Variants in ECM2 observed in about 807,000 individuals in gnomAD.
ECM2 encodes the protein extracellular matrix protein 2.
Under a neutral mutation model 67.5 loss-of-function variants are expected in ECM2, and 57 were observed. The observed-to-expected ratio is 0.84, with a 90% CI of 0.68 to 1.05. The LOEUF (loss-of-function observed/expected upper bound fraction) is 1.05, where lower values mean the gene tolerates loss of function less well. Among genes scored for constraint, ECM2 ranks in the 50% least tolerant of loss-of-function variants. ECM2 has a pLI of 0.00. For synonymous variants in ECM2, 258 were observed against 294.5 expected (o/e 0.88, Z 1.27); for missense variants, 741 against 822.8 (o/e 0.90, Z 1.22).
chr9:92,517,687 C>T lies in ECM2; in HGVS notation c.481G>A (p.Val161Ile). ...GECCPVCSAT[V>I]SYSLLSGIAL... ...ATTTTGCTTAGCTAAATCTCTGTACCAGTAGCGGAGCAGACCGGGCAGCAT... is the reference window on the plus strand; with the variant it reads ...ATTTTGCTTAGCTAAATCTCTGTACTAGTAGCGGAGCAGACCGGGCAGCAT... The change falls in exon 3 of 10, where the codon GTC (valine) becomes ATC (isoleucine). Residue 161 changes from valine to isoleucine, a missense_variant and splice_region_variant. By Grantham distance (29) the Val-to-Ile change is conservative (BLOSUM62 3). Transcript: ENST00000344604. 1 of 1,614,074 alleles carries T rather than the reference C, an allele frequency of 6.2e-7. No individual in the cohort carries two copies. Among genetic ancestry groups the T allele is most frequent in the Non-Finnish European group, 8.5e-7 (1 of 1,180,006 alleles).
At chr9:92,558,794 G>T in the ECM2 span, among the ~76,000 whole-genome samples, 5 of 152,128 alleles carry the variant, frequency 3.3e-5, no homozygotes, top group South Asian at 6.2e-4. Flanking sequence ...GCTCTCCTTG[G>T]GTGGGTCTTG....
chr9:92,494,160 T>G, downstream of ECM2: 1 of 1,596,852 alleles, frequency 6.3e-7, no homozygotes, highest in Non-Finnish European at 8.5e-7. Context: ...CTGAATAAAG[T>G]CAGAGTAAGA....
intron 1 of ECM2, among the ~76,000 whole-genome samples, chr9:92,533,086 C>G (rs1192575451): frequency 6.6e-6 from 1 of 151,312 alleles, no homozygotes; most frequent in Non-Finnish European, 1.5e-5. Flanking sequence ...ATCACAAGGT[C>G]AGGAGTTTGA....
At chr9:92,512,822 A>G (rs1401962025) in intron 4 of ECM2, among the ~76,000 whole-genome samples, 1 of 152,198 alleles carries the variant, frequency 6.6e-6, no homozygotes, top group Non-Finnish European at 1.5e-5. Context: ...GTAGCTCAGC[A>G]TGGGTCATTT....
At chr9:92,525,996 A>G (rs548291838) in intron 1 of ECM2, among the ~76,000 whole-genome samples, 11 of 152,036 alleles carry the variant, frequency 7.2e-5, no homozygotes, top group Admixed American at 2.6e-4. Flanking sequence ...ACTATACTAT[A>G]CTTTTTATCA....
the ECM2 span, among the ~76,000 whole-genome samples, chr9:92,551,213 T>C: frequency 6.6e-6 from 1 of 152,174 alleles, no homozygotes; most frequent in Non-Finnish European, 1.5e-5. Context: ...CCAGGAATTA[T>C]CATGAGTGGA....
chr9:92,549,781 AGT>A, the ECM2 span, among the ~76,000 whole-genome samples: 2 of 152,202 alleles, frequency 1.3e-5, no homozygotes, highest in Non-Finnish European at 2.9e-5. Context: ...TCCCTAAGAT[AGT>A]GCTGTTAGGC....
At chr9:92,506,535 G>A (rs895187243) in intron 6 of ECM2, among the ~76,000 whole-genome samples, 6 of 152,138 alleles carry the variant, frequency 3.9e-5, no homozygotes, top group African/African-American at 1.4e-4. Flanking sequence ...CCCAGATTAG[G>A]GGATGTTTTC....
intron 5 of ECM2, 44 bp from the exon 6 acceptor site, chr9:92,510,078 C>T: frequency 6.4e-7 from 1 of 1,561,830 alleles, no homozygotes; most frequent in Non-Finnish European, 8.6e-7. Context: ...CTAGTCACAG[C>T]TGTGCAGTCA....
intron 9 of ECM2, among the ~76,000 whole-genome samples, chr9:92,497,096 T>G (rs1020110749): frequency 6.6e-6 from 1 of 152,206 alleles, no homozygotes; most frequent in Non-Finnish European, 1.5e-5. Flanking sequence ...CCCTTTGCAC[T>G]CTGCATTCCC....
the ECM2 span, among the ~76,000 whole-genome samples, chr9:92,552,210 CACACA>C: frequency 6.6e-6 from 1 of 150,598 alleles, no homozygotes; most frequent in African/African-American, 2.5e-5. Flanking sequence ...CACACACACA[CACACA>C]CCCCACAGTT....
chr9:92,519,079 T>C (rs79865887), intron 2 of ECM2, among the ~76,000 whole-genome samples: 6,064 of 152,138 alleles, frequency 0.04, 185 homozygotes, highest in South Asian at 0.098. Flanking sequence ...TGAGCCACTG[T>C]CCCCAAGTTC....
At chr9:92,543,637 G>A in the ECM2 span, among the ~76,000 whole-genome samples, 1 of 151,950 alleles carries the variant, frequency 6.6e-6, no homozygotes, top group Non-Finnish European at 1.5e-5. Context: ...GAACACTTTG[G>A]GTAGTATAGT....
At chr9:92,552,164 ATATGTGATATGATAGAT>A in the ECM2 span, among the ~76,000 whole-genome samples, 71 of 132,830 alleles carry the variant, frequency 5.3e-4, no homozygotes, top group South Asian at 1.9e-3. Context: ...TCTATCATAT[ATATGTGATATGATAGAT>A]CTATCATATA....
chr9:92,518,431 G>C (rs896533833), intron 2 of ECM2, among the ~76,000 whole-genome samples: 2 of 152,198 alleles, frequency 1.3e-5, no homozygotes, highest in Admixed American at 6.5e-5. Context: ...CCAGAGAGCT[G>C]AGCTAGCACT....
At chr9:92,523,977 A>G (rs908585601) in intron 1 of ECM2, among the ~76,000 whole-genome samples, 1 of 152,232 alleles carries the variant, frequency 6.6e-6, no homozygotes, top group African/African-American at 2.4e-5. Flanking sequence ...TAAACAAATG[A>G]GCATGGATGT....
At chr9:92,504,850 T>G (rs1472288060) in intron 7 of ECM2, among the ~76,000 whole-genome samples, 1 of 152,196 alleles carries the variant, frequency 6.6e-6, no homozygotes, top group African/African-American at 2.4e-5. Context: ...CTCAGTGTTT[T>G]TAACGCAGGA....
At chr9:92,545,116 C>T in the ECM2 span, among the ~76,000 whole-genome samples, 25 of 152,352 alleles carry the variant, frequency 1.6e-4, no homozygotes, top group South Asian at 6.2e-4. Flanking sequence ...GCTCTTGGCA[C>T]CTCCTCAGCC....
At chr9:92,555,661 T>C in the ECM2 span, among the ~76,000 whole-genome samples, 1 of 152,222 alleles carries the variant, frequency 6.6e-6, no homozygotes, top group East Asian at 1.9e-4. Context: ...TTCTAGGTTT[T>C]CTATTGTATG....
Sources: allele counts gnomAD v4.1 joint callset (sites outside exome capture counted in the v4.1 genomes callset), GRCh38; gene constraint gnomAD v4.1.1; transcripts MANE v1.5; gene names NCBI Gene and HGNC (gene_info 2026-07-23, HGNC 2026-07-21).